The following ZSCAN25 variants were observed in gnomAD, a reference collection of about 807,000 sequenced individuals.
ZSCAN25 encodes zinc finger and SCAN domain-containing protein 25.
ZSCAN25 carries 27 observed loss-of-function variants against 38.7 expected under a neutral mutation model. That is an observed-to-expected ratio of 0.70 (90% CI 0.51 to 0.96). The LOEUF is 0.96. Among genes scored for constraint, ZSCAN25 ranks in the 40% least tolerant of loss-of-function variants. ZSCAN25 has a pLI of 0.00. For synonymous variants in ZSCAN25, 273 were observed against 277.7 expected (o/e 0.98, Z 0.17); for missense variants, 637 against 705.9 (o/e 0.90, Z 1.11).
chr7:99,722,271 C>T, the ZSCAN25 span: 1 of 1,613,414 alleles, frequency 6.2e-7, no homozygotes, highest in South Asian at 1.1e-5. Flanking sequence ...CAAGTCTATC[C>T]AATGGAATCT....
the ZSCAN25 span, among the ~76,000 whole-genome samples, chr7:99,703,164 T>G: frequency 6.6e-6 from 1 of 152,388 alleles, no homozygotes; most frequent in Non-Finnish European, 1.5e-5. Flanking sequence ...TTTAGGTTTT[T>G]GCAAATATCA....
At chr7:99,704,968 A>G in the ZSCAN25 span, 1 of 154,680 alleles carries the variant, frequency 6.5e-6, no homozygotes, top group Non-Finnish European at 1.4e-5. Context: ...TGATCAAAAT[A>G]TTTAGTTGTT....
chr7:99,625,923 G>C (rs980595278), intron 7 of ZSCAN25, among the ~76,000 whole-genome samples: 11 of 152,204 alleles, frequency 7.2e-5, no homozygotes, highest in African/African-American at 1.9e-4. Flanking sequence ...CCAGCTTTCA[G>C]GTCTTCCTGG....
the ZSCAN25 span, chr7:99,679,962 G>T: frequency 6.9e-7 from 1 of 1,443,014 alleles, no homozygotes; most frequent in Non-Finnish European, 9.8e-7. Context: ...CTGTTTGCTG[G>T]GCTGTTTGCC....
the ZSCAN25 span, among the ~76,000 whole-genome samples, chr7:99,704,822 C>G: frequency 6.6e-6 from 1 of 151,894 alleles, no homozygotes; most frequent in Non-Finnish European, 1.5e-5. Context: ...ATTAGCCGGG[C>G]GTGGTGGCAG....
chr7:99,632,989 G>GTTGTTTTTTTTTTTTTTTTTTTTTTTTT (rs1554412109), downstream of ZSCAN25, among the ~76,000 whole-genome samples: 31 of 128,556 alleles, frequency 2.4e-4, no homozygotes, highest in African/African-American at 9.0e-4. Context: ...ATTTTCTGTT[G>GTTGTTTTTTTTTTTTTTTTTTTTTTTTT]TTTTTTTTTT....
the ZSCAN25 span, chr7:99,672,829 G>A: frequency 6.8e-7 from 1 of 1,463,742 alleles, no homozygotes; most frequent in Admixed American, 2.6e-5. Context: ...AGTTCATTAG[G>A]GTGTGACACA....
the ZSCAN25 span, among the ~76,000 whole-genome samples, chr7:99,693,382 G>A: frequency 4.6e-5 from 7 of 152,300 alleles, no homozygotes; most frequent in Middle Eastern, 3.4e-3. Context: ...CAGTCTATCC[G>A]TTCTCAGAGC....
chr7:99,682,100 C>G, the ZSCAN25 span, among the ~76,000 whole-genome samples: 2 of 152,296 alleles, frequency 1.3e-5, no homozygotes, highest in South Asian at 4.1e-4. Flanking sequence ...TTCTGTGTAG[C>G]TGGGACTACA....
At chr7:99,728,198 A>G in the ZSCAN25 span, among the ~76,000 whole-genome samples, 5 of 152,288 alleles carry the variant, frequency 3.3e-5, no homozygotes, top group Non-Finnish European at 7.4e-5. Flanking sequence ...TCACAGGCCC[A>G]TTCTATTCTG....
chr7:99,621,175 C>A, intron 4 of ZSCAN25, 198 bp from the exon 5 acceptor site: 1 of 412,322 alleles, frequency 2.4e-6, no homozygotes, highest in Non-Finnish European at 4.1e-6. Context: ...AAAAGTTGCT[C>A]AGGGCCTGAT....
At chr7:99,658,773 G>A in the ZSCAN25 span, 1 of 152,192 alleles carries the variant, frequency 6.6e-6, no homozygotes, top group African/African-American at 2.4e-5. Context: ...TGGAGGCTTT[G>A]TTCCTTTCTT....
chr7:99,654,135 G>A, the ZSCAN25 span, among the ~76,000 whole-genome samples: 1 of 151,994 alleles, frequency 6.6e-6, no homozygotes, highest in Admixed American at 6.5e-5. Context: ...CAACGTGCAG[G>A]TTTGTTACAT....
chr7:99,663,803 T>C, the ZSCAN25 span: 1 of 1,328,854 alleles, frequency 7.5e-7, no homozygotes, highest in African/African-American at 1.5e-5. Context: ...CATTCTCATC[T>C]CCTTCCCCAA....
At chr7:99,617,686 A>G (rs1806587451) in intron 1 of ZSCAN25, among the ~76,000 whole-genome samples, 1 of 152,240 alleles carries the variant, frequency 6.6e-6, no homozygotes, top group Non-Finnish European at 1.5e-5. Flanking sequence ...CAAAGGCTGC[A>G]GTGATCGCAC....
the ZSCAN25 span, among the ~76,000 whole-genome samples, chr7:99,732,884 C>T: frequency 4.1e-4 from 62 of 151,640 alleles, no homozygotes; most frequent in Admixed American, 7.2e-4. Context: ...ACATAAGTAA[C>T]CATAAAATGT....
the ZSCAN25 span, chr7:99,662,669 AGCTACCAT>A: frequency 1.3e-6 from 1 of 746,436 alleles, no homozygotes; most frequent in Non-Finnish European, 2.2e-6. This position sits in a 1 kb window ranked among gnomAD's most constrained non-coding sequence, Gnocchi z 4.3. Flanking sequence ...AAGTGCCTCC[AGCTACCAT>A]TTATAACATC....
In ZSCAN25 at chr7:99,619,955, G is replaced by T. The variant is rs373985216; in HGVS notation, c.349G>T (p.Val117Leu). Reference sequence around the variant, plus strand: ...GAGTGGCAAGGCCCTGGCCGCCATGGTGGAGGACCTGACAGAAAGAGCACT... The same window carrying T: ...GAGTGGCAAGGCCCTGGCCGCCATGTTGGAGGACCTGACAGAAAGAGCACT... ...PESGKALAAM[V>L]EDLTERALEA... The change falls in exon 4 of 8, where the codon GTG becomes TTG. Residue 117 changes from valine to leucine, a missense_variant. Val to Leu is a conservative substitution (Grantham distance 32). Coordinates refer to ENST00000394152, the MANE Select transcript of ZSCAN25 (RefSeq NM_145115.3). 1.2e-6 allele frequency: 2 copies of T among 1,614,064 alleles called. No individual in the cohort carries two copies. Among genetic ancestry groups the T allele is most frequent in the African/African-American group, 1.3e-5 (1 of 75,084 alleles).
the ZSCAN25 span, among the ~76,000 whole-genome samples, chr7:99,693,716 G>A: frequency 2.7e-4 from 41 of 152,356 alleles, no homozygotes; most frequent in South Asian, 6.2e-4. Context: ...CCTGCCGATC[G>A]AGGCACGGGA....
Sources: allele counts gnomAD v4.1 joint callset (sites outside exome capture counted in the v4.1 genomes callset), GRCh38; gene constraint gnomAD v4.1.1; non-coding constraint Gnocchi (gnomAD v3.1); transcripts MANE v1.5; gene names NCBI Gene and HGNC (gene_info 2026-07-23, HGNC 2026-07-21).